CACNA1E: variants seen among roughly 807,000 people sequenced by gnomAD.
CACNA1E encodes voltage-dependent R-type calcium channel subunit alpha-1E.
In CACNA1E, 40 loss-of-function variants were observed where a neutral mutation model predicts 259.2. The observed-to-expected ratio is 0.15, with a 90% confidence interval of 0.12 to 0.20. The LOEUF is 0.20. Ranked by LOEUF, CACNA1E falls within the 10% of genes least tolerant of loss-of-function variation. CACNA1E has a pLI of 1.00. For synonymous variants in CACNA1E, 1,104 were observed against 1,138.5 expected, an observed-to-expected ratio of 0.97 and a Z score of 0.61; for missense variants, 1,874 against 3,040.1, an observed-to-expected ratio of 0.62 and a Z score of 9.02.
intron 1 of CACNA1E, among the ~76,000 whole-genome samples, chr1:181,322,973 C>T (rs920203964): frequency 6.6e-6 from 1 of 152,122 alleles, no homozygotes; most frequent in African/African-American, 2.4e-5. Flanking sequence ...GGAGTGCATC[C>T]GTCCCTGTGA....
chr1:181,711,214 C>T (rs1402442733), intron 8 of CACNA1E, 145 bp downstream of exon 8: 6 of 634,688 alleles, frequency 9.5e-6, no homozygotes, highest in African/African-American at 1.8e-5. Flanking sequence ...TTAAGGTTCC[C>T]TGCTCATCCG....
At chr1:181,446,632 A>T (rs181689906) in intron 2 of CACNA1E, among the ~76,000 whole-genome samples, 1 of 152,302 alleles carries the variant, frequency 6.6e-6, no homozygotes, top group African/African-American at 2.4e-5. Flanking sequence ...TTGGGACTGA[A>T]AGCGAAGAAT....
rs604095 is a variant in CACNA1E at position 181,423,203 on chromosome 1, A to G, written c.434+9623A>G. Among the ~76,000 whole-genome samples, 860 of 152,326 alleles carry G rather than the reference A, an allele frequency of 5.6e-3. 4 individuals carry two copies. The highest frequency in any genetic ancestry group is 0.02 in the African/African-American group (817 of 41,572). ...AGGCATCAGAGGTTTGCCGAAGCCCAAGGTGCAGAGGTTGTAGTTAGGCTT... is the reference window on the plus strand; with the variant it reads ...AGGCATCAGAGGTTTGCCGAAGCCCGAGGTGCAGAGGTTGTAGTTAGGCTT... On this transcript the variant is annotated intron_variant, in intron 2 of 11. Coordinates refer to the CACNA1E transcript ENST00000524607.
intron 1 of CACNA1E, among the ~76,000 whole-genome samples, chr1:181,373,976 G>T (rs1358432091): frequency 1.3e-5 from 2 of 152,070 alleles, no homozygotes; most frequent in African/African-American, 2.4e-5. Context: ...TTTATCATTT[G>T]TATAGATTTT....
rs553144912 is a variant in CACNA1E at position 181,804,209 on chromosome 1, T to C, written c.*5375T>C. ...TGGGTTTCTTGTAACAGACCTATTC[T>C]GGAATAGCAAAGAAGGATACCTTGG... On this transcript the variant is annotated 3_prime_UTR_variant, in exon 48 of 48. Coordinates refer to ENST00000367573, the MANE Select transcript of CACNA1E (RefSeq NM_001205293.3). The C allele has an allele frequency of 4.6e-5, 7 of 152,310 alleles. No homozygotes were observed. Among genetic ancestry groups the C allele is most frequent in the African/African-American group, 1.7e-4 (7 of 41,574 alleles). The allele number at this position is 152,310 out of a possible 1,614,324, so 9.4% of individuals were successfully genotyped here.
chr1:181,637,416 C>G (rs572021375), intron 6 of CACNA1E, among the ~76,000 whole-genome samples: 9 of 128,442 alleles, frequency 7.0e-5, no homozygotes, highest in African/African-American at 2.3e-4. Flanking sequence ...TCCTCCCTCC[C>G]TCCCTCCTTC....
chr1:181,734,974 T>C (rs1205826750), intron 21 of CACNA1E, among the ~76,000 whole-genome samples: 1 of 152,274 alleles, frequency 6.6e-6, no homozygotes, highest in African/African-American at 2.4e-5. Context: ...TGCCCCGTGA[T>C]CACTGAATTG....
intron 1 of CACNA1E, among the ~76,000 whole-genome samples, chr1:181,361,524 G>T (rs898021240): frequency 1.3e-5 from 2 of 152,096 alleles, no homozygotes; most frequent in Non-Finnish European, 2.9e-5. Context: ...AAGATGGAGT[G>T]GTTGCTAGAG....
At chr1:181,750,570 G>A in intron 26 of CACNA1E, 83 bp downstream of exon 26, 5 of 1,270,046 alleles carry the variant, frequency 3.9e-6, no homozygotes, top group Non-Finnish European at 5.7e-6. Context: ...GAGGGGAGGG[G>A]CTCACGCACT....
intron 3 of CACNA1E, among the ~76,000 whole-genome samples, chr1:181,549,110 G>A (rs922608725): frequency 6.6e-6 from 1 of 152,162 alleles, no homozygotes. Flanking sequence ...AAAAGTCAAA[G>A]CCCCATAAAG....
chr1:181,429,887 G>A (rs755080159), intron 2 of CACNA1E, among the ~76,000 whole-genome samples: 5 of 152,246 alleles, frequency 3.3e-5, no homozygotes, highest in Non-Finnish European at 5.9e-5. Context: ...AAGCTCTTCA[G>A]GTGATTGATT....
In CACNA1E at chr1:181,571,832, C is replaced by G. The variant is rs980244932; in HGVS notation, c.513-5934C>G. The stretch of plus-strand genomic sequence containing the variant: ...GTGTAAGATCTCTGGCTTGTGTCTC[C>G]TTTCAGAAGAGAAATTGGAAATTTT... On this transcript the variant is annotated intron_variant, in intron 3 of 47. Transcript: ENST00000367573. 2.0e-5 allele frequency among the ~76,000 whole-genome samples: 3 copies of G among 152,126 alleles called. No homozygotes were observed. The South Asian group carries it at 6.2e-4, about 32-fold the overall frequency.
At chr1:181,630,645 T>C (rs771542792) in intron 6 of CACNA1E, among the ~76,000 whole-genome samples, 5 of 151,924 alleles carry the variant, frequency 3.3e-5, no homozygotes, top group Admixed American at 2.6e-4. Flanking sequence ...TGGAGCACCA[T>C]GTGAGAGGAC....
At position 181,685,960 on chromosome 1, in the gene CACNA1E, C is replaced by T. The variant is rs959781313; in HGVS notation, c.1056-24994C>T. ...ACATTGGGTTTCATTTGAGTTAGAC[C>T]TGTAGAGTGCTTGGGCTAGAAAGGC... On this transcript the variant is annotated intron_variant, in intron 7 of 47. Transcript: ENST00000367573. Among the ~76,000 whole-genome samples, 4 of 152,044 alleles carry T rather than the reference C, an allele frequency of 2.6e-5. No individual in the cohort carries two copies. The East Asian group carries it at 5.8e-4, about 22-fold the overall frequency.
intron 35 of CACNA1E, among the ~76,000 whole-genome samples, chr1:181,769,637 C>A (rs373728260): frequency 2.6e-5 from 4 of 152,156 alleles, no homozygotes; most frequent in Non-Finnish European, 5.9e-5. Context: ...GACTATTACA[C>A]ACATACTTTG....
chr1:181,741,801 G>A (rs3753741), intron 25 of CACNA1E, among the ~76,000 whole-genome samples: 97,047 of 152,058 alleles, frequency 0.64, 32,004 homozygotes, highest in East Asian at 0.76. Context: ...AAGCCTTAAC[G>A]GCCCCGGAGC....
At chr1:181,434,658 C>T (rs951394488) in intron 2 of CACNA1E, among the ~76,000 whole-genome samples, 3 of 152,136 alleles carry the variant, frequency 2.0e-5, no homozygotes, top group Non-Finnish European at 2.9e-5. Context: ...AGTTAAAGAC[C>T]TTGAAGTGGA....
rs1319210211 is a variant in CACNA1E, at chr1:181,760,267, A to G, written c.4605+1399A>G. 3.3e-5 allele frequency among the ~76,000 whole-genome samples: 5 copies of G among 152,184 alleles called. No individual in the cohort carries two copies. In the East Asian group the frequency reaches 9.7e-4, roughly 29 times the overall value. ...CCTGCCTCCTTCCCACCCTACCCCCATGTTTTCATTCAAGGTCTAGAGGGA... is the reference window on the plus strand; with the variant it reads ...CCTGCCTCCTTCCCACCCTACCCCCGTGTTTTCATTCAAGGTCTAGAGGGA... On this transcript the variant is annotated intron_variant, in intron 32 of 47. Coordinates refer to ENST00000367573, the MANE Select transcript of CACNA1E (RefSeq NM_001205293.3).
rs374414357 is a variant in CACNA1E, at chr1:181,349,229, C to T, written c.-15+31106C>T. On this transcript the variant is annotated intron_variant, in intron 1 of 11. Coordinates refer to the CACNA1E transcript ENST00000524607. ...TGCCTGTTGTCTGTTTGGGTGGGGA[C>T]AGAAACACAGGTCCCCTGTGGGGCT... Among the ~76,000 whole-genome samples, 6 of 152,302 alleles carry T rather than the reference C, an allele frequency of 3.9e-5. No homozygotes were observed. The East Asian group carries it at 1.2e-3, about 29-fold the overall frequency.
Sources: allele counts gnomAD v4.1 joint callset (sites outside exome capture counted in the v4.1 genomes callset), GRCh38; gene constraint gnomAD v4.1.1; transcripts MANE v1.5; gene names NCBI Gene and HGNC (gene_info 2026-07-23, HGNC 2026-07-21).